Variants in SECISBP2 observed in about 807,000 individuals in gnomAD.
SECISBP2 encodes selenocysteine insertion sequence-binding protein 2.
In SECISBP2, 96 loss-of-function variants were observed where a neutral mutation model predicts 98.2. The ratio of observed to expected loss-of-function variants is 0.98; its 90% CI spans 0.83 to 1.16. The LOEUF is 1.16. Ranked by LOEUF, SECISBP2 falls within the 50% of genes most tolerant of loss-of-function variation. SECISBP2 has a pLI of 0.00. For missense variants in SECISBP2, 1,046 were observed against 1,022.9 expected (o/e 1.02, Z -0.31); for synonymous variants, 407 against 370.2 (o/e 1.10, Z -1.14).
intron 7 of SECISBP2, among the ~76,000 whole-genome samples, chr9:89,337,441 C>G (rs1263974609): frequency 6.6e-6 from 1 of 152,116 alleles, no homozygotes; most frequent in Non-Finnish European, 1.5e-5. Context: ...CTTTTGATGC[C>G]TACCTTCAGA....
intron 4 of SECISBP2, among the ~76,000 whole-genome samples, chr9:89,327,812 GTT>G (rs555623897): frequency 7.3e-5 from 10 of 136,844 alleles, no homozygotes; most frequent in Admixed American, 7.3e-5. Context: ...GTCGTTTTGT[GTT>G]TTTTTTTTTT....
Position 89,325,905 on chromosome 9 carries a change from C to G in SECISBP2, c.441C>G (p.Thr147=), listed in dbSNP as rs369124838. 25 of 1,613,540 alleles carry G rather than the reference C, an allele frequency of 1.5e-5. No homozygotes were observed. The highest frequency in any genetic ancestry group is 2.1e-5 in the Non-Finnish European group (25 of 1,179,980). Residue 147 remains threonine (T), a synonymous_variant, in exon 4 of 17, where the codon ACC becomes ACG. Coordinates refer to ENST00000375807, the MANE Select transcript of SECISBP2 (RefSeq NM_024077.5). Reference sequence around the variant, plus strand: ...TTTAATCTTTCCTGCAGAAGAAAACCTATGATGAGAAAAAAACGTATGATC... The same window carrying G: ...TTTAATCTTTCCTGCAGAAGAAAACGTATGATGAGAAAAAAACGTATGATC... ...QEMKALFKKK[T]YDEKKTYDQQ...
At chr9:89,343,760 A>G (rs1217666751) in intron 10 of SECISBP2, among the ~76,000 whole-genome samples, 1 of 152,118 alleles carries the variant, frequency 6.6e-6, no homozygotes, top group Non-Finnish European at 1.5e-5. Context: ...ATTTAGGTTG[A>G]TTTCATGTCT....
At chr9:89,321,948 G>A (rs1825883492) in intron 2 of SECISBP2, among the ~76,000 whole-genome samples, 1 of 152,136 alleles carries the variant, frequency 6.6e-6, no homozygotes, top group African/African-American at 2.4e-5. Flanking sequence ...AGGAATAGAA[G>A]TTTCTGAAAC....
chr9:89,351,051 G>A (rs561302217), intron 14 of SECISBP2, among the ~76,000 whole-genome samples, 199 bp downstream of exon 14: 2 of 152,308 alleles, frequency 1.3e-5, no homozygotes, highest in Admixed American at 1.3e-4. Flanking sequence ...AGGGCAGGTG[G>A]GTCCTGTGAT....
chr9:89,326,127 C>T (rs1826662159), intron 4 of SECISBP2, 89 bp downstream of exon 4: 2 of 1,500,404 alleles, frequency 1.3e-6, no homozygotes, highest in South Asian at 2.3e-5. Context: ...TTTCTATGGG[C>T]TTGTTCATTG....
downstream of SECISBP2, chr9:89,364,580 A>C (rs545541232): frequency 1.2e-5 from 2 of 160,574 alleles, no homozygotes; most frequent in Admixed American, 1.1e-4. Context: ...ATGGGCTTCC[A>C]GCCTTGAGCA....
intron 14 of SECISBP2, among the ~76,000 whole-genome samples, chr9:89,351,328 T>G (rs1377885067): frequency 6.6e-6 from 1 of 152,216 alleles, no homozygotes; most frequent in Non-Finnish European, 1.5e-5. Flanking sequence ...AACTGGAATG[T>G]GTGTTTTTGT....
intron 14 of SECISBP2, 167 bp from the exon 15 acceptor site, chr9:89,357,244 G>A: frequency 1.4e-6 from 1 of 721,386 alleles, no homozygotes; most frequent in East Asian, 2.5e-5. Context: ...CATATTTTTG[G>A]AGAGTTGATT....
chr9:89,328,357 T>C (rs775793169), intron 4 of SECISBP2, among the ~76,000 whole-genome samples: 4 of 152,232 alleles, frequency 2.6e-5, no homozygotes, highest in Non-Finnish European at 5.9e-5. Context: ...ATGGGGCTGT[T>C]GTATACGTAA....
At position 89,359,454 on chromosome 9, in the gene SECISBP2, CTT is replaced by C. The variant is rs968737353; in HGVS notation, c.*632_*633del. 2.6e-5 allele frequency: 4 copies of C among 154,122 alleles called. No homozygotes were observed. Among genetic ancestry groups the C allele is most frequent in the Non-Finnish European group, 5.8e-5 (4 of 69,096 alleles). 9.5% of individuals were successfully genotyped at this position (154,122 alleles called of 1,614,324 possible). On this transcript the variant is annotated 3_prime_UTR_variant, in exon 17 of 17. Transcript: ENST00000375807. ...TTTGAAATGAATTATTCCTTTCAGTCTTTATTTTTCAAAGAAACAATGTGTAT... is the reference window on the plus strand; with the variant it reads ...TTTGAAATGAATTATTCCTTTCAGTCTATTTTTCAAAGAAACAATGTGTAT...
chr9:89,362,356 G>A, downstream of SECISBP2: 4 of 1,614,068 alleles, frequency 2.5e-6, no homozygotes, highest in Non-Finnish European at 3.4e-6. Context: ...GTGGCAGCAG[G>A]GTCTTGTTGG....
chr9:89,355,050 CA>C (rs1168791636), intron 14 of SECISBP2: 46 of 985,224 alleles, frequency 4.7e-5, no homozygotes, highest in Non-Finnish European at 5.5e-5. Flanking sequence ...TTGGGTAGAT[CA>C]GGGGCAGGGT....
In SECISBP2 at chr9:89,325,482, T is replaced by G; in HGVS notation, c.238T>G (p.Tyr80Asp). ...TGGAGCTTCAACTTTTCCACCTCAG[T>G]ATTTATCTTCTGAGATAACTCTTCA... is the stretch of plus-strand genomic sequence containing the variant. ...AFGASTFPPQ[Y>D]LSSEITLHPY... The change falls in exon 3 of 17, where the codon TAT (tyrosine) becomes GAT (aspartate). Residue 80 changes from tyrosine to aspartate, a missense_variant. Transcript: ENST00000375807. 1 of 1,613,298 alleles carries G rather than the reference T, an allele frequency of 6.2e-7. No homozygotes were observed. The highest frequency in any genetic ancestry group is 1.1e-5 in the South Asian group (1 of 91,066).
chr9:89,357,715 TAAA>T lies in SECISBP2; in HGVS notation c.2268+154_2268+156del, dbSNP rs1832309919. On this transcript the variant is annotated intron_variant, in intron 15 of 16. Transcript: ENST00000375807. ...CCACCACTTAGGCAGAACCTTCTTA[TAAA>T]AAAGTAGCCTTTGTCTCCTTGACAT... 5.0e-6 allele frequency: 5 copies of T among 990,732 alleles called. 1 individual carries two copies. The highest frequency in any genetic ancestry group is 2.1e-5 in the Admixed American group (1 of 48,572). 61.4% of individuals were successfully genotyped at this position (990,732 alleles called of 1,614,324 possible).
intron 13 of SECISBP2, 121 bp from the exon 14 acceptor site, chr9:89,350,511 T>C (rs1053058565): frequency 2.3e-6 from 2 of 869,156 alleles, no homozygotes; most frequent in East Asian, 2.4e-5. Flanking sequence ...TTAGTAGTAC[T>C]TGTTGAAACG....
intron 11 of SECISBP2, 96 bp from the exon 12 acceptor site, chr9:89,347,983 T>G: frequency 8.0e-7 from 1 of 1,255,932 alleles, no homozygotes; most frequent in South Asian, 1.3e-5. Flanking sequence ...AGAGGCACAT[T>G]GCCAAAAAGT....
At chr9:89,340,718 C>G (rs552283550) in intron 9 of SECISBP2, among the ~76,000 whole-genome samples, 11 of 152,294 alleles carry the variant, frequency 7.2e-5, no homozygotes, top group Non-Finnish European at 1.2e-4. Context: ...GAACACTTGG[C>G]AGGAGAATGG....
intron 4 of SECISBP2, among the ~76,000 whole-genome samples, chr9:89,327,051 A>G (rs1369689616): frequency 6.6e-6 from 1 of 151,804 alleles, no homozygotes; most frequent in Non-Finnish European, 1.5e-5. Context: ...AGTTCCAGCT[A>G]CTCGGGAGGC....
Sources: allele counts gnomAD v4.1 joint callset (sites outside exome capture counted in the v4.1 genomes callset), GRCh38; gene constraint gnomAD v4.1.1; transcripts MANE v1.5; gene names NCBI Gene and HGNC (gene_info 2026-07-23, HGNC 2026-07-21).